The following CLCN7 variants were observed in gnomAD, a reference collection of about 807,000 sequenced individuals.
The protein encoded by CLCN7 is Cl-/H+ antiporter 7, also known as H(+)/Cl(-) exchange transporter 7.
Under a neutral mutation model 102.1 loss-of-function variants are expected in CLCN7, and 60 were observed. The ratio of observed to expected loss-of-function variants is 0.59; its 90% CI spans 0.48 to 0.73. The LOEUF is 0.73. CLCN7 is among the 30% of genes least tolerant of loss of function. CLCN7 has a pLI of 0.00. For missense variants in CLCN7, 962 were observed against 1,125.7 expected (o/e 0.85, Z 2.08); for synonymous variants, 560 against 490.5 (o/e 1.14, Z -1.87).
chr16:1,474,393 A>T (rs2039121972), intron 1 of CLCN7: 2 of 346,460 alleles, frequency 5.8e-6, no homozygotes, highest in Admixed American at 8.0e-5. Context: ...CTGCAATCTT[A>T]ACTGTTTCCA....
chr16:1,466,139 C>T (rs1228862740), intron 1 of CLCN7, among the ~76,000 whole-genome samples: 1 of 152,242 alleles, frequency 6.6e-6, no homozygotes, highest in African/African-American at 2.4e-5. Flanking sequence ...GGACCGCATG[C>T]GCAGGGCGCC....
At chr16:1,450,424 TGCTCCGGCC>T in intron 17 of CLCN7, 64 bp downstream of exon 17, 1 of 1,419,844 alleles carries the variant, frequency 7.0e-7, no homozygotes, top group Admixed American at 2.0e-5. Context: ...CTGGGACTTC[TGCTCCGGCC>T]CGCGATGCCG....
Position 1,450,174 on chromosome 16 carries a change from C to T in CLCN7, c.1617+323G>A, listed in dbSNP as rs145896930. The stretch of plus-strand genomic sequence containing the variant: ...AGCAGCCCTGGCCGGACATCCACCC[C>T]ATGGAGTCTAGAAACAGCTCTGCAG... On this transcript the variant is annotated intron_variant, in intron 17 of 24. Coordinates refer to ENST00000382745, the MANE Select transcript of CLCN7 (RefSeq NM_001287.6). 823 of 415,734 alleles carry T rather than the reference C, an allele frequency of 2.0e-3. 5 individuals carry two copies. Among genetic ancestry groups the T allele is most frequent in the Middle Eastern group, 0.012 (16 of 1,372 alleles). 25.8% of individuals were successfully genotyped at this position (415,734 alleles called of 1,614,324 possible). A position where few individuals can be genotyped will look rare whatever the true frequency, so the allele number is the denominator to read the frequency against.
At chr16:1,451,572 T>A (rs904442278) in intron 16 of CLCN7, 51 bp downstream of exon 16, 1 of 1,522,302 alleles carries the variant, frequency 6.6e-7, no homozygotes, top group African/African-American at 1.4e-5. Context: ...CCAGAAGGCA[T>A]CACCCAGGCC....
At chr16:1,448,633 G>C in intron 20 of CLCN7, 48 bp downstream of exon 20, 1 of 1,609,474 alleles carries the variant, frequency 6.2e-7, no homozygotes, top group Non-Finnish European at 8.5e-7. Flanking sequence ...TGTGCAACAA[G>C]AGGCCGCTGG....
chr16:1,471,499 A>T (rs1204026737), intron 1 of CLCN7: 1 of 152,278 alleles, frequency 6.6e-6, no homozygotes, highest in Non-Finnish European at 1.5e-5. Flanking sequence ...CAGTCAGAGC[A>T]GACCCTCCCC....
At position 1,474,825 on chromosome 16, in the gene CLCN7, C is replaced by G; in HGVS notation, c.141+9G>C. 1 of 1,336,628 alleles carries G rather than the reference C, an allele frequency of 7.5e-7. No individual in the cohort carries two copies. The highest frequency in any genetic ancestry group is 3.3e-5 in the East Asian group (1 of 30,058). The allele number at this position is 1,336,628 out of a possible 1,614,324, so 82.8% of individuals were successfully genotyped here. ...TCAGTTTCCCCGCCTGCGCCCTGCC[C>G]GGCCTCACCTGGCGCGCAGCCCCAG... On this transcript the variant is annotated intron_variant, in intron 1 of 24. Coordinates refer to ENST00000382745, the MANE Select transcript of CLCN7 (RefSeq NM_001287.6).
In CLCN7 at chr16:1,448,761, C is replaced by T. The variant is rs1252642901; in HGVS notation, c.1803G>A (p.Leu601=). ...TCTGCAGCTGAATGTGCATGTCGTA[C>T]AGGCCCTGCGGGCGGGGCGGGAACA... The part of the protein sequence containing the change: ...KIVGDVFIEG[L]YDMHIQLQSV... The change falls in exon 20 of 25, where the codon CTG becomes CTA. Residue 601 remains leucine (L), a synonymous_variant. Transcript: ENST00000382745. 4 of 1,612,012 alleles carry T rather than the reference C, an allele frequency of 2.5e-6. No homozygotes were observed. The highest frequency in any genetic ancestry group is 1.1e-5 in the South Asian group (1 of 91,072).
At chr16:1,473,743 G>A (rs952991275) in intron 1 of CLCN7, among the ~76,000 whole-genome samples, 1 of 151,918 alleles carries the variant, frequency 6.6e-6, no homozygotes, top group Admixed American at 6.6e-5. Context: ...AAGAATAACT[G>A]CAAAGCAGAT....
In CLCN7 at chr16:1,445,929, T is replaced by C; in HGVS notation, c.*702A>G. The C allele has an allele frequency of 4.1e-6, 1 of 245,000 alleles. No individual in the cohort carries two copies. Among genetic ancestry groups the C allele is most frequent in the Non-Finnish European group, 7.8e-6 (1 of 127,518 alleles). The allele number at this position is 245,000 out of a possible 1,614,324, so 15.2% of individuals were successfully genotyped here. On this transcript the variant is annotated 3_prime_UTR_variant, in exon 25 of 25. Coordinates refer to ENST00000382745, the MANE Select transcript of CLCN7 (RefSeq NM_001287.6). ...ACCAAGGCAGGGCTGGGCATGGGGC[T>C]CAGGGCCTTGGAGGTTTTTCTCAGC...
chr16:1,453,036 T>C, intron 14 of CLCN7, 143 bp from the exon 15 acceptor site: 1 of 1,224,034 alleles, frequency 8.2e-7, no homozygotes, highest in Non-Finnish European at 1.2e-6. Context: ...AGACGGAGTT[T>C]TGCTCTTGTT....
chr16:1,448,574 AC>A (rs1454381328), intron 20 of CLCN7, 90 bp from the exon 21 acceptor site: 20 of 1,601,356 alleles, frequency 1.2e-5, no homozygotes, highest in Non-Finnish European at 1.7e-5. Context: ...AAGCCGCTGG[AC>A]AGGAAACGCG....
intron 16 of CLCN7, among the ~76,000 whole-genome samples, chr16:1,451,148 T>C (rs1168964358): frequency 1.3e-5 from 2 of 152,170 alleles, no homozygotes; most frequent in Non-Finnish European, 2.9e-5. Context: ...TGCGCTTCCG[T>C]GAAACACTTG....
At chr16:1,453,293 G>C (rs912414858) in intron 14 of CLCN7, among the ~76,000 whole-genome samples, 3 of 152,150 alleles carry the variant, frequency 2.0e-5, no homozygotes, top group Non-Finnish European at 4.4e-5. Context: ...GATTATAGTC[G>C]TGAGGCACCG....
chr16:1,460,784 C>T lies in CLCN7; in HGVS notation c.484+32G>A, dbSNP rs114180993. The T allele has an allele frequency of 6.6e-4, 1,063 of 1,613,730 alleles. 5 individuals are homozygous for T. In the African/African-American group the frequency reaches 0.01, roughly 16 times the overall value. ...ACTCGGCCCAGGCCACGCCCCCCTC[C>T]CAAGCTGCAGCGGCCGCACTGGGAA... On this transcript the variant is annotated intron_variant, in intron 5 of 24. Transcript: ENST00000382745.
At chr16:1,454,273 G>C (rs866234102) in intron 13 of CLCN7, 138 bp downstream of exon 13, 1 of 825,550 alleles carries the variant, frequency 1.2e-6, no homozygotes, top group Non-Finnish European at 2.0e-6. Flanking sequence ...GCCCATGGAA[G>C]AATCTGGAGG....
chr16:1,466,090 G>A (rs2039000757), intron 1 of CLCN7, among the ~76,000 whole-genome samples: 1 of 152,230 alleles, frequency 6.6e-6, no homozygotes, highest in Admixed American at 6.5e-5. Flanking sequence ...AGCAACATCT[G>A]GGGACATGAA....
chr16:1,461,600 C>A lies in CLCN7; in HGVS notation c.285+3G>T. 2 of 1,613,898 alleles carry A rather than the reference C, an allele frequency of 1.2e-6. No homozygotes were observed. Among genetic ancestry groups the A allele is most frequent in the Non-Finnish European group, 1.7e-6 (2 of 1,179,826 alleles). ...AGGGTCAGGGGGACAGAAGGACGCC[C>A]ACCTCATACTTGAGGGACAGGAGCT... On this transcript the variant is annotated splice_donor_region_variant and intron_variant, in intron 3 of 24. Coordinates refer to ENST00000382745, the MANE Select transcript of CLCN7 (RefSeq NM_001287.6).
intron 10 of CLCN7, 92 bp downstream of exon 10, chr16:1,456,021 C>T (rs2038829662): frequency 1.7e-6 from 2 of 1,176,374 alleles, no homozygotes; most frequent in South Asian, 2.6e-5. Flanking sequence ...CCTCTGCCAC[C>T]CTCAGCGGGC....
Sources: allele counts gnomAD v4.1 joint callset (sites outside exome capture counted in the v4.1 genomes callset), GRCh38; gene constraint gnomAD v4.1.1; transcripts MANE v1.5; gene names NCBI Gene and HGNC (gene_info 2026-07-23, HGNC 2026-07-21).